Variants in PTPRN2 observed in about 807,000 individuals in gnomAD.
PTPRN2 encodes protein tyrosine phosphatase receptor type N2.
In PTPRN2, 74 loss-of-function variants were observed where a neutral mutation model predicts 118.8. The ratio of observed to expected loss-of-function variants is 0.62; its 90% CI spans 0.52 to 0.76. The LOEUF (loss-of-function observed/expected upper bound fraction) is 0.76. PTPRN2 is among the 30% of genes least tolerant of loss of function. The pLI, the probability that PTPRN2 is intolerant of heterozygous loss-of-function variation, is 0.00. For synonymous variants in PTPRN2, 641 were observed against 608.0 expected (o/e 1.05, Z -0.80); for missense variants, 1,481 against 1,394.4 (o/e 1.06, Z -0.99).
At position 158,178,679 on chromosome 7, in the gene PTPRN2, C is replaced by T. The variant is rs1327415515; in HGVS notation, c.550-11388G>A. On this transcript the variant is annotated intron_variant, in intron 5 of 22. Transcript: ENST00000389418. ...GTGGCACAATCTCAGCTCACTGCAA[C>T]CTCCAACTCCCAAGTTCAAGTGATT... is the stretch of plus-strand genomic sequence containing the variant. Among the ~76,000 whole-genome samples, 2 of 145,606 alleles carry T rather than the reference C, an allele frequency of 1.4e-5. 1 individual carries two copies. Among genetic ancestry groups the T allele is most frequent in the African/African-American group, 5.1e-5 (2 of 39,478 alleles).
At chr7:157,989,251 C>G (rs1236933766) in intron 11 of PTPRN2, among the ~76,000 whole-genome samples, 3 of 152,080 alleles carry the variant, frequency 2.0e-5, no homozygotes, top group Non-Finnish European at 4.4e-5. Flanking sequence ...AACTCTGTCT[C>G]TACTAAAAAT....
intron 1 of PTPRN2, among the ~76,000 whole-genome samples, chr7:158,505,896 G>A (rs1349196532): frequency 6.6e-6 from 1 of 152,230 alleles, no homozygotes; most frequent in Non-Finnish European, 1.5e-5. Flanking sequence ...ATCCCAAGTG[G>A]TGGCTGTTAA....
In PTPRN2 at chr7:157,861,668, T is replaced by C. The variant is rs540912212; in HGVS notation, c.1788+37005A>G. Among the ~76,000 whole-genome samples the C allele has an allele frequency of 6.6e-6, 1 of 152,330 alleles. No homozygotes were observed. Among genetic ancestry groups the C allele is most frequent in the South Asian group, 2.1e-4 (1 of 4,828 alleles). ...GTCTCACAGGCTGGGTTTGGAGACC[T>C]TGCTTGGAGGTGTCTGCAGGGCCTT... On this transcript the variant is annotated intron_variant, in intron 12 of 22. Transcript: ENST00000389418. The surrounding 1 kb of genome is among the most constrained non-coding windows in gnomAD (Gnocchi z 5.8).
intron 3 of PTPRN2, among the ~76,000 whole-genome samples, chr7:158,259,215 A>G (rs1276869515): frequency 2.0e-5 from 3 of 152,200 alleles, no homozygotes; most frequent in Non-Finnish European, 4.4e-5. Context: ...CAAATAAATG[A>G]CAAATGGCAG....
chr7:158,432,189 C>T (rs997884574), intron 2 of PTPRN2, among the ~76,000 whole-genome samples: 1 of 152,186 alleles, frequency 6.6e-6, no homozygotes, highest in South Asian at 2.1e-4. Flanking sequence ...AAACACGACA[C>T]GGTCAGGGAG....
At chr7:158,489,842 C>T (rs747109969) in intron 1 of PTPRN2, 57 bp from the exon 2 acceptor site, 18 of 1,491,078 alleles carry the variant, frequency 1.2e-5, no homozygotes, top group South Asian at 1.1e-4. Flanking sequence ...GGGGTGCCCC[C>T]GAGGCTGCCT....
In PTPRN2 at chr7:157,987,839, C is replaced by T. The variant is rs148019202; in HGVS notation, c.1724-89102G>A. 5.2e-3 allele frequency among the ~76,000 whole-genome samples: 789 copies of T among 152,244 alleles called. 12 individuals carry two copies. The highest frequency in any genetic ancestry group is 0.017 in the African/African-American group (697 of 41,528). ...AATGCAGCATCCCAGTGGGGTGGCC[C>T]CATCACTTCTGACACCTCCATCACT... On this transcript the variant is annotated intron_variant, in intron 11 of 22. Transcript: ENST00000389418. The surrounding 1 kb of genome is among the most constrained non-coding windows in gnomAD (Gnocchi z 4.3).
At chr7:158,138,156 A>G (rs1479124305) in intron 7 of PTPRN2, 138 bp downstream of exon 7, 6 of 769,302 alleles carry the variant, frequency 7.8e-6, no homozygotes, top group African/African-American at 7.1e-5. Flanking sequence ...CAAACAGATA[A>G]AAATCATTAA....
Position 157,987,821 on chromosome 7 carries a change from C to T in PTPRN2, c.1724-89084G>A, listed in dbSNP as rs1365344133. On this transcript the variant is annotated intron_variant, in intron 11 of 22. Coordinates refer to ENST00000389418, the MANE Select transcript of PTPRN2 (RefSeq NM_002847.5). The surrounding 1 kb of genome is among the most constrained non-coding windows in gnomAD (Gnocchi z 4.3). ...ATAGGGAATCTGCTTTTCAATGCAG[C>T]ATCCCAGTGGGGTGGCCCCATCACT... Among the ~76,000 whole-genome samples the T allele has an allele frequency of 6.6e-6, 1 of 152,208 alleles. No individual in the cohort carries two copies. The highest frequency in any genetic ancestry group is 1.9e-4 in the East Asian group (1 of 5,194).
intron 12 of PTPRN2, among the ~76,000 whole-genome samples, chr7:157,791,556 C>T (rs2151076707): frequency 6.8e-6 from 1 of 146,354 alleles, no homozygotes; most frequent in East Asian, 2.0e-4. Flanking sequence ...CCCACCTGCC[C>T]CCCCTCCCTG....
intron 11 of PTPRN2, among the ~76,000 whole-genome samples, chr7:157,982,609 T>C (rs1420525029): frequency 1.1e-5 from 1 of 93,242 alleles, no homozygotes; most frequent in Non-Finnish European, 2.1e-5. Context: ...GAGTGCAGGG[T>C]CCCCCCTAAA....
chr7:157,684,213 G>T (rs1354278410), intron 12 of PTPRN2, among the ~76,000 whole-genome samples: 1 of 151,920 alleles, frequency 6.6e-6, no homozygotes, highest in East Asian at 1.9e-4. Context: ...CGGATTAGCT[G>T]GTGCCGGGAC....
intron 5 of PTPRN2, among the ~76,000 whole-genome samples, chr7:158,187,321 T>C (rs368521417): frequency 5.3e-5 from 8 of 152,342 alleles, no homozygotes; most frequent in East Asian, 3.9e-4. Context: ...TTTTTGATGA[T>C]GGGTACATAG....
chr7:158,379,958 T>C (rs1227051053), intron 2 of PTPRN2, among the ~76,000 whole-genome samples: 2 of 152,240 alleles, frequency 1.3e-5, no homozygotes, highest in East Asian at 1.9e-4. Context: ...AAACTCCCCC[T>C]TATAAAACCA....
At chr7:157,806,831 T>A (rs1365424116) in intron 12 of PTPRN2, among the ~76,000 whole-genome samples, 1 of 152,116 alleles carries the variant, frequency 6.6e-6, no homozygotes, top group Admixed American at 6.5e-5. Context: ...ACAAAGTGAG[T>A]ACTTGGAGGG....
intron 3 of PTPRN2, among the ~76,000 whole-genome samples, chr7:158,257,793 G>A (rs1188378141): frequency 6.6e-6 from 1 of 152,256 alleles, no homozygotes; most frequent in Non-Finnish European, 1.5e-5. Context: ...TCACAGGGAT[G>A]GCGTGCGTGC....
intron 6 of PTPRN2, among the ~76,000 whole-genome samples, chr7:158,150,686 T>A (rs1820907549): frequency 6.6e-6 from 1 of 151,980 alleles, no homozygotes; most frequent in Non-Finnish European, 1.5e-5. Flanking sequence ...TGAGGTGAGA[T>A]CTGTCATGCA....
intron 3 of PTPRN2, among the ~76,000 whole-genome samples, chr7:158,301,257 G>T (rs1045820211): frequency 6.6e-6 from 1 of 152,202 alleles, no homozygotes; most frequent in Non-Finnish European, 1.5e-5. Context: ...CAGCATTGCA[G>T]GGCATGAACA....
At chr7:158,550,919 C>T (rs1020145500) in intron 1 of PTPRN2, among the ~76,000 whole-genome samples, 1 of 152,234 alleles carries the variant, frequency 6.6e-6, no homozygotes, top group Non-Finnish European at 1.5e-5. Flanking sequence ...CCTCCACGGA[C>T]ATCTGGCCCT....
Sources: gnomAD v4.1 joint callset for allele counts (sites outside exome capture counted in the v4.1 genomes callset) on GRCh38, gnomAD v4.1.1 for gene constraint, Gnocchi (gnomAD v3.1) non-coding constraint, MANE v1.5 for transcripts, NCBI Gene and HGNC (gene_info 2026-07-23, HGNC 2026-07-21) for gene names.